The following CIB4 variants were observed in gnomAD, a reference collection of about 807,000 sequenced individuals.
The protein encoded by CIB4 is calcium and integrin binding family member 4.
In CIB4, 25 loss-of-function variants were observed where a neutral mutation model predicts 25.8. That is an observed-to-expected ratio of 0.97 (90% CI 0.71 to 1.35). The LOEUF is 1.35. CIB4 is among the 40% of genes most tolerant of loss of function. The pLI, the probability that CIB4 is intolerant of heterozygous loss-of-function variation, is 0.00. For missense variants in CIB4, 235 were observed against 228.2 expected (o/e 1.03, Z -0.19); for synonymous variants, 75 against 81.4 (o/e 0.92, Z 0.42).
At chr2:26,622,693 A>T (rs1037286808) in intron 3 of CIB4, among the ~76,000 whole-genome samples, 9 of 151,922 alleles carry the variant, frequency 5.9e-5, no homozygotes, top group African/African-American at 1.2e-4. Flanking sequence ...TTAAAAACTT[A>T]AAAAAAAGGC....
chr2:26,602,756 T>C (rs1668816215), intron 3 of CIB4, among the ~76,000 whole-genome samples: 1 of 152,158 alleles, frequency 6.6e-6, no homozygotes, highest in South Asian at 2.1e-4. Context: ...TCCCCTGGTA[T>C]GATGCAATGA....
At chr2:26,626,160 T>C (rs935956128) in intron 3 of CIB4, among the ~76,000 whole-genome samples, 1 of 152,196 alleles carries the variant, frequency 6.6e-6, no homozygotes, top group Non-Finnish European at 1.5e-5. Flanking sequence ...TTAGCTGAAG[T>C]CTATTTGCCC....
At chr2:26,601,938 A>G (rs2148203202) in intron 3 of CIB4, among the ~76,000 whole-genome samples, 1 of 152,368 alleles carries the variant, frequency 6.6e-6, no homozygotes, top group South Asian at 2.1e-4. Context: ...ATGTAAAACC[A>G]TAGGGCTGGA....
chr2:26,603,566 G>A (rs548096396), intron 3 of CIB4, among the ~76,000 whole-genome samples: 1 of 152,030 alleles, frequency 6.6e-6, no homozygotes, highest in East Asian at 1.9e-4. Flanking sequence ...CAGCATCCAA[G>A]AACAAAACTC....
At chr2:26,641,029 T>C (rs1669625621) in intron 1 of CIB4, among the ~76,000 whole-genome samples, 1 of 152,238 alleles carries the variant, frequency 6.6e-6, no homozygotes, top group Non-Finnish European at 1.5e-5. Flanking sequence ...ATTTGTAAAC[T>C]TTCTTAAAAC....
intron 3 of CIB4, among the ~76,000 whole-genome samples, chr2:26,599,424 A>C (rs555392959): frequency 1.3e-5 from 2 of 152,246 alleles, no homozygotes; most frequent in Non-Finnish European, 2.9e-5. Flanking sequence ...AAAGTTATTG[A>C]ACAAGAGATT....
chr2:26,624,665 C>G (rs977127010), intron 3 of CIB4, among the ~76,000 whole-genome samples: 4 of 139,486 alleles, frequency 2.9e-5, no homozygotes, highest in Non-Finnish European at 6.0e-5. Flanking sequence ...GTTGGCATCT[C>G]TAGTCCTGCC....
rs1325323907 is a variant in CIB4 at position 26,634,253 on chromosome 2, A to C, written c.90-4747T>G. Among the ~76,000 whole-genome samples the C allele has an allele frequency of 2.0e-5, 3 of 152,036 alleles. No homozygotes were observed. In the East Asian group the frequency reaches 5.8e-4, roughly 29 times the overall value. ...AGCTTTCTGGCTTCACCCCCACCCC[A>C]CGGGGTCAATAGTCCTTTGCTCTAC... On this transcript the variant is annotated intron_variant, in intron 2 of 6. Transcript: ENST00000288861.
At chr2:26,585,411 G>A (rs868210248) in intron 4 of CIB4, among the ~76,000 whole-genome samples, 12 of 152,044 alleles carry the variant, frequency 7.9e-5, no homozygotes, top group African/African-American at 2.9e-4. Flanking sequence ...AAGGCAGGCC[G>A]AGCTGTGAAG....
At chr2:26,639,002 G>A (rs947801179) in intron 2 of CIB4, among the ~76,000 whole-genome samples, 1 of 151,770 alleles carries the variant, frequency 6.6e-6, no homozygotes, top group Non-Finnish European at 1.5e-5. Context: ...ACAGTATGAA[G>A]GGATAAATGC....
chr2:26,603,829 T>C (rs1434198273), intron 3 of CIB4, among the ~76,000 whole-genome samples: 2 of 148,402 alleles, frequency 1.3e-5, no homozygotes, highest in African/African-American at 2.5e-5. Context: ...AAAAACCCTA[T>C]CTCTATTTTA....
intron 3 of CIB4, among the ~76,000 whole-genome samples, chr2:26,596,534 A>C (rs938511526): frequency 5.9e-5 from 9 of 152,198 alleles, no homozygotes; most frequent in Admixed American, 4.6e-4. Context: ...ACCTGAGGTC[A>C]GGAGTTCAAG....
At chr2:26,587,515 G>A (rs1171816776) in intron 4 of CIB4, among the ~76,000 whole-genome samples, 1 of 151,986 alleles carries the variant, frequency 6.6e-6, no homozygotes, top group African/African-American at 2.4e-5. Flanking sequence ...GGGAGTAATA[G>A]CAGTACCTCT....
chr2:26,629,413 C>G lies in CIB4; in HGVS notation c.183G>C (p.Leu61=). The change falls in exon 3 of 7, where the codon CTG becomes CTC. Residue 61 remains leucine, a synonymous_variant. Transcript: ENST00000288861. ...CCACCCACCATCCTGGACTCACCCG[C>G]AGAGCTGGCAGGGAGCTGACCTGGT... The part of the protein sequence containing the change: ...TMDQVSSLPA[L]RVNPFRDRIC... 6.4e-7 allele frequency: 1 copy of G among 1,572,996 alleles called. No individual in the cohort carries two copies.
At chr2:26,606,398 G>A (rs947378206) in intron 3 of CIB4, among the ~76,000 whole-genome samples, 3 of 152,202 alleles carry the variant, frequency 2.0e-5, no homozygotes, top group East Asian at 3.8e-4. Context: ...GAGCAAAGCC[G>A]AGGCCAAATC....
At chr2:26,583,618 G>A (rs1328075564) in intron 5 of CIB4, among the ~76,000 whole-genome samples, 171 bp downstream of exon 5, 2 of 152,196 alleles carry the variant, frequency 1.3e-5, no homozygotes, top group South Asian at 2.1e-4. Context: ...TGAGCTGCCT[G>A]TCCCCTTGGC....
rs565106166 is a variant in CIB4 at position 26,628,721 on chromosome 2, C to T, written c.186+689G>A. On this transcript the variant is annotated intron_variant, in intron 3 of 6. Transcript: ENST00000288861. The stretch of plus-strand genomic sequence containing the variant: ...AGGTTGGGAGGACAGTCTCTGGGCC[C>T]CGAGCCCTGCTCCTCCTGTCTTCTC... 3.9e-5 allele frequency among the ~76,000 whole-genome samples: 6 copies of T among 152,282 alleles called. No homozygotes were observed. In the South Asian group the frequency reaches 1.2e-3, roughly 32 times the overall value.
At chr2:26,629,349 A>G in intron 3 of CIB4, 61 bp downstream of exon 3, 1 of 810,462 alleles carries the variant, frequency 1.2e-6, no homozygotes. Context: ...CCCAGCACCC[A>G]TCAGCCCATC....
chr2:26,586,654 T>C (rs746831404), intron 4 of CIB4, among the ~76,000 whole-genome samples: 2 of 152,264 alleles, frequency 1.3e-5, no homozygotes, highest in South Asian at 2.1e-4. Context: ...AGGGTAACCA[T>C]TGGTAAGTGA....
Sources: gnomAD v4.1 joint callset for allele counts (sites outside exome capture counted in the v4.1 genomes callset) on GRCh38, gnomAD v4.1.1 for gene constraint, MANE v1.5 for transcripts, NCBI Gene and HGNC (gene_info 2026-07-23, HGNC 2026-07-21) for gene names.